Variants in RGS6 observed in about 807,000 individuals in gnomAD.
The protein encoded by RGS6 is regulator of G protein signaling 6, also known as regulator of G-protein signaling 6.
A neutral mutation model predicts 78.5 loss-of-function variants in RGS6; 30 were observed. That is an observed-to-expected ratio of 0.38 (90% CI 0.29 to 0.52). The LOEUF is 0.52. Ranked by LOEUF, RGS6 falls within the 20% of genes least tolerant of loss-of-function variation. The pLI is 0.85. For synonymous variants in RGS6, 206 were observed against 206.0 expected (o/e 1.00, Z 0.00); for missense variants, 495 against 609.7 (o/e 0.81, Z 1.98).
At chr14:72,182,568 G>A (rs953047148) in intron 2 of RGS6, among the ~76,000 whole-genome samples, 3 of 152,162 alleles carry the variant, frequency 2.0e-5, no homozygotes, top group African/African-American at 7.2e-5. Flanking sequence ...AATTCCCTGA[G>A]AGAGAGATGG....
rs553590905 is a variant in RGS6, at chr14:72,049,010, G to A, written c.84+84135G>A. Among the ~76,000 whole-genome samples, 22 of 152,188 alleles carry A rather than the reference G, an allele frequency of 1.4e-4. 1 individual carries two copies. Among genetic ancestry groups the A allele is most frequent in the African/African-American group, 5.1e-4 (21 of 41,528 alleles). Reference sequence around the variant, plus strand: ...GATGATTTGTAAACAATTTCCCAGAGTTAATTCCCAGACATTTAAAAATTT... The same window carrying A: ...GATGATTTGTAAACAATTTCCCAGAATTAATTCCCAGACATTTAAAAATTT... On this transcript the variant is annotated intron_variant, in intron 2 of 17. Coordinates refer to ENST00000553525, the MANE Select transcript of RGS6 (RefSeq NM_001204424.2).
the RGS6 span, among the ~76,000 whole-genome samples, chr14:72,582,675 G>A: frequency 6.6e-6 from 1 of 152,124 alleles, no homozygotes; most frequent in African/African-American, 2.4e-5. Flanking sequence ...TTGGTTCTGT[G>A]AGTCTTATCA....
chr14:72,298,624 A>G (rs1007847499), intron 2 of RGS6, among the ~76,000 whole-genome samples: 1 of 150,822 alleles, frequency 6.6e-6, no homozygotes, highest in Non-Finnish European at 1.5e-5. Flanking sequence ...ATTTTTTTGT[A>G]TTTTTAGTAG....
intron 3 of RGS6, among the ~76,000 whole-genome samples, chr14:72,362,377 T>C (rs1190670209): frequency 1.3e-5 from 2 of 152,210 alleles, no homozygotes; most frequent in East Asian, 3.8e-4. Flanking sequence ...CCACAAACTA[T>C]AATTGCTTAC....
rs1555420802 is a variant in RGS6 at position 72,470,645 on chromosome 14, A to AC, written c.536+562_536+563insC. Among the ~76,000 whole-genome samples, 8 of 151,762 alleles carry AC rather than the reference A, an allele frequency of 5.3e-5. No individual in the cohort carries two copies. The South Asian group carries it at 1.5e-3, about 28-fold the overall frequency. ...GTAATCCCAGCACTTTGTGAGACCG[A>AC]GGTGGGGGTGGATCACCTGAGGTCA... On this transcript the variant is annotated intron_variant, in intron 8 of 17. Coordinates refer to ENST00000553525, the MANE Select transcript of RGS6 (RefSeq NM_001204424.2).
intron 3 of RGS6, among the ~76,000 whole-genome samples, chr14:72,399,712 T>G (rs1049534505): frequency 9.9e-5 from 15 of 152,130 alleles, no homozygotes; most frequent in Non-Finnish European, 1.6e-4. Context: ...AGGAGCTCTT[T>G]TAGGGCAGGC....
At chr14:72,065,355 C>T (rs903327509) in intron 2 of RGS6, among the ~76,000 whole-genome samples, 1 of 152,090 alleles carries the variant, frequency 6.6e-6, no homozygotes, top group African/African-American at 2.4e-5. Flanking sequence ...GAGGCTTTAT[C>T]CCAAAACTAT....
intron 2 of RGS6, among the ~76,000 whole-genome samples, chr14:72,106,224 A>G (rs2095629357): frequency 6.6e-6 from 1 of 152,224 alleles, no homozygotes; most frequent in African/African-American, 2.4e-5. Flanking sequence ...TTAACATTGT[A>G]TTGAGAAATT....
At chr14:71,960,582 C>A (rs993318903) in intron 1 of RGS6, among the ~76,000 whole-genome samples, 2 of 152,206 alleles carry the variant, frequency 1.3e-5, no homozygotes, top group African/African-American at 4.8e-5. Flanking sequence ...AAAGTCCCTG[C>A]CTATGAAGAA....
At chr14:72,456,283 T>C (rs1474246883) in intron 4 of RGS6, among the ~76,000 whole-genome samples, 1 of 152,160 alleles carries the variant, frequency 6.6e-6, no homozygotes, top group East Asian at 1.9e-4. Flanking sequence ...CATCAGTCGA[T>C]TTCCTGTGGT....
chr14:72,357,837 G>T (rs1192067991), intron 3 of RGS6, among the ~76,000 whole-genome samples: 3 of 152,180 alleles, frequency 2.0e-5, no homozygotes, highest in Non-Finnish European at 4.4e-5. Context: ...AATGTTAATT[G>T]CCAAGACAGT....
chr14:72,306,001 T>C (rs2067153119), intron 2 of RGS6, among the ~76,000 whole-genome samples: 1 of 152,192 alleles, frequency 6.6e-6, no homozygotes, highest in Non-Finnish European at 1.5e-5. Context: ...ATCGCTGATA[T>C]GGAGAAAATT....
chr14:72,584,269 A>T, the RGS6 span, among the ~76,000 whole-genome samples: 1 of 152,240 alleles, frequency 6.6e-6, no homozygotes, highest in Non-Finnish European at 1.5e-5. Context: ...TGTGCCAGGC[A>T]TCACTCTGGG....
At chr14:72,424,016 CG>C (rs938253261) in intron 3 of RGS6, among the ~76,000 whole-genome samples, 3 of 152,190 alleles carry the variant, frequency 2.0e-5, no homozygotes, top group African/African-American at 7.2e-5. Context: ...CTTCCAGTCT[CG>C]TGGTGGCATT....
At chr14:72,484,118 T>C (rs1447524564) in intron 12 of RGS6, among the ~76,000 whole-genome samples, 1 of 152,234 alleles carries the variant, frequency 6.6e-6, no homozygotes, top group Non-Finnish European at 1.5e-5. Flanking sequence ...AGAAACTGCA[T>C]GTAGCAGAGC....
chr14:72,517,579 A>G (rs1275079456), intron 14 of RGS6, among the ~76,000 whole-genome samples: 1 of 152,220 alleles, frequency 6.6e-6, no homozygotes, highest in Admixed American at 6.5e-5. Context: ...TTCTGCAGAG[A>G]AGTTTTCAAC....
At chr14:72,076,120 C>T (rs1484678461) in intron 2 of RGS6, among the ~76,000 whole-genome samples, 1 of 152,212 alleles carries the variant, frequency 6.6e-6, no homozygotes, top group Non-Finnish European at 1.5e-5. Context: ...TTACATTTTG[C>T]TCCTTCTTTT....
At chr14:72,009,985 T>C (rs1053959612) in intron 2 of RGS6, among the ~76,000 whole-genome samples, 7 of 152,242 alleles carry the variant, frequency 4.6e-5, no homozygotes, top group African/African-American at 1.7e-4. Context: ...CCTAGAAGAA[T>C]CAATCGCAGT....
intron 16 of RGS6, among the ~76,000 whole-genome samples, chr14:72,538,483 A>G (rs1276231128): frequency 6.6e-6 from 1 of 152,218 alleles, no homozygotes; most frequent in South Asian, 2.1e-4. Flanking sequence ...ACCAGTGATG[A>G]TGGTTTTCCA....
Sources: gnomAD v4.1 joint callset for allele counts (sites outside exome capture counted in the v4.1 genomes callset) on GRCh38, gnomAD v4.1.1 for gene constraint, MANE v1.5 for transcripts, NCBI Gene and HGNC (gene_info 2026-07-23, HGNC 2026-07-21) for gene names.